The following GPHN variants were observed in gnomAD, a reference collection of about 807,000 sequenced individuals.
GPHN encodes gephyrin.
Under a neutral mutation model 95.5 loss-of-function variants are expected in GPHN, and 17 were observed. That is an observed-to-expected ratio of 0.18 (90% CI 0.12 to 0.27). The LOEUF (loss-of-function observed/expected upper bound fraction) is 0.27. GPHN is among the 10% of genes least tolerant of loss of function. The probability of loss-of-function intolerance (pLI) is 1.00; values close to 1 mark genes in which losing one functional copy is unlikely to be tolerated. For missense variants in GPHN, 660 were observed against 978.1 expected (o/e 0.67, Z 4.34); for synonymous variants, 320 against 322.5 (o/e 0.99, Z 0.08).
Position 66,759,270 on chromosome 14 carries a change from C to A in GPHN, c.144-17194C>A, listed in dbSNP as rs149113952. ...GGTTCCTGGGTCTATTAGAAAGTGA[C>A]ATTCTTTACTCACCACAGGTTAGGA... On this transcript the variant is annotated intron_variant, in intron 2 of 22. Transcript: ENST00000478722. Among the ~76,000 whole-genome samples the A allele has an allele frequency of 6.0e-3, 909 of 152,218 alleles. 9 individuals carry two copies. The highest frequency in any genetic ancestry group is 0.021 in the African/African-American group (887 of 41,544).
intron 9 of GPHN, among the ~76,000 whole-genome samples, chr14:66,966,878 T>C (rs1472002974): frequency 6.6e-6 from 1 of 151,986 alleles, no homozygotes; most frequent in Non-Finnish European, 1.5e-5. Context: ...TTTGTAATTA[T>C]ATTTTAGTTA....
chr14:67,083,953 A>T (rs529133681), intron 11 of GPHN, among the ~76,000 whole-genome samples: 2 of 152,290 alleles, frequency 1.3e-5, no homozygotes, highest in African/African-American at 4.8e-5. Flanking sequence ...TGTAGTCATA[A>T]TCATTAATGC....
intron 3 of GPHN, among the ~76,000 whole-genome samples, chr14:66,805,872 T>C (rs138884324): frequency 0.013 from 1,972 of 152,218 alleles, 20 homozygotes; most frequent in Non-Finnish European, 0.02. Context: ...CCAGATTTCA[T>C]TGGATCTATC....
At chr14:66,849,513 G>T (rs1229853123) in intron 4 of GPHN, among the ~76,000 whole-genome samples, 1 of 151,938 alleles carries the variant, frequency 6.6e-6, no homozygotes, top group Non-Finnish European at 1.5e-5. Context: ...TTATGAGACT[G>T]TATTTCCATT....
the GPHN span, among the ~76,000 whole-genome samples, chr14:67,213,786 G>A: frequency 3.9e-5 from 6 of 152,188 alleles, no homozygotes; most frequent in Non-Finnish European, 7.3e-5. Context: ...CACCAATAGT[G>A]TAAAAGTGTT....
chr14:66,702,530 C>G (rs2068653608), intron 2 of GPHN, among the ~76,000 whole-genome samples: 1 of 152,096 alleles, frequency 6.6e-6, no homozygotes, highest in African/African-American at 2.4e-5. Context: ...AAGTGAACCC[C>G]CAGCAAACCA....
chr14:66,863,407 C>A (rs2063108195), intron 4 of GPHN, among the ~76,000 whole-genome samples: 2 of 152,002 alleles, frequency 1.3e-5, no homozygotes, highest in African/African-American at 4.8e-5. Flanking sequence ...AAGCAATCTA[C>A]AGATTCAATG....
chr14:67,040,527 AAT>A, intron 10 of GPHN, among the ~76,000 whole-genome samples: 1 of 152,302 alleles, frequency 6.6e-6, no homozygotes, highest in Non-Finnish European at 1.5e-5. Flanking sequence ...TTTTTCTAAT[AAT>A]GTTCTTTATA....
At chr14:66,841,231 G>A (rs891192662) in intron 4 of GPHN, among the ~76,000 whole-genome samples, 1 of 151,994 alleles carries the variant, frequency 6.6e-6, no homozygotes, top group African/African-American at 2.4e-5. Flanking sequence ...AGGGAGGATA[G>A]GTAGCCCAGG....
chr14:66,710,302 T>C (rs1178014810), intron 2 of GPHN, among the ~76,000 whole-genome samples: 1 of 152,180 alleles, frequency 6.6e-6, no homozygotes, highest in African/African-American at 2.4e-5. Flanking sequence ...CTCCTCTGTT[T>C]ATAAATTTCA....
At chr14:66,793,690 A>G (rs1225606723) in intron 3 of GPHN, among the ~76,000 whole-genome samples, 1 of 152,120 alleles carries the variant, frequency 6.6e-6, no homozygotes, top group Non-Finnish European at 1.5e-5. Context: ...AGAGAATAGA[A>G]CTATTTAGGA....
At chr14:66,862,129 A>C (rs2063048666) in intron 4 of GPHN, among the ~76,000 whole-genome samples, 1 of 151,854 alleles carries the variant, frequency 6.6e-6, no homozygotes, top group Non-Finnish European at 1.5e-5. Context: ...AGATACAAAT[A>C]AACAAAATCA....
At chr14:67,519,718 T>G in the GPHN span, among the ~76,000 whole-genome samples, 62 of 151,672 alleles carry the variant, frequency 4.1e-4, 1 homozygote, top group East Asian at 5.4e-3. Flanking sequence ...AAGTTTGTTT[T>G]TTTTTTTTTT....
intron 2 of GPHN, among the ~76,000 whole-genome samples, chr14:66,761,889 T>C (rs553261911): frequency 1.3e-5 from 2 of 152,272 alleles, no homozygotes; most frequent in East Asian, 3.9e-4. Context: ...CTTGATCTCC[T>C]GACCTCGTGA....
intron 1 of GPHN, among the ~76,000 whole-genome samples, chr14:66,552,545 C>T (rs924510230): frequency 9.2e-5 from 14 of 152,154 alleles, no homozygotes; most frequent in Admixed American, 4.6e-4. Context: ...GTCTACATAT[C>T]CATTTGATAG....
At chr14:66,785,865 A>G (rs532011843) in intron 3 of GPHN, among the ~76,000 whole-genome samples, 5 of 152,212 alleles carry the variant, frequency 3.3e-5, no homozygotes, top group Admixed American at 6.5e-5. Context: ...GAAAAATGAA[A>G]ATATAACACA....
the GPHN span, among the ~76,000 whole-genome samples, chr14:67,319,239 A>G: frequency 3.9e-5 from 6 of 152,108 alleles, no homozygotes; most frequent in African/African-American, 1.4e-4. Context: ...GAGCTGAGGG[A>G]GTCTGACTTC....
At chr14:66,567,012 G>A (rs1457889225) in intron 1 of GPHN, among the ~76,000 whole-genome samples, 1 of 152,160 alleles carries the variant, frequency 6.6e-6, no homozygotes, top group Non-Finnish European at 1.5e-5. Context: ...TTAAAATGGA[G>A]CTAGCACTGC....
At chr14:67,036,868 C>A (rs186771225) in intron 10 of GPHN, among the ~76,000 whole-genome samples, 1,825 of 152,030 alleles carry the variant, frequency 0.012, 18 homozygotes, top group Non-Finnish European at 0.018. Context: ...CCAAAGGAAT[C>A]TACAAATTCA....
Sources: gnomAD v4.1 joint callset for allele counts (sites outside exome capture counted in the v4.1 genomes callset) on GRCh38, gnomAD v4.1.1 for gene constraint, MANE v1.5 for transcripts, NCBI Gene and HGNC (gene_info 2026-07-23, HGNC 2026-07-21) for gene names.